The following UNC79 variants were observed in gnomAD, a reference collection of about 807,000 sequenced individuals.
The protein encoded by UNC79 is protein unc-79 homolog.
A neutral mutation model predicts 283.1 loss-of-function variants in UNC79; 37 were observed. That is an observed-to-expected ratio of 0.13 (90% CI 0.10 to 0.17). The LOEUF (loss-of-function observed/expected upper bound fraction) is 0.17, where lower values mean the gene tolerates loss of function less well. Ranked by LOEUF, UNC79 falls within the 10% of genes least tolerant of loss-of-function variation. UNC79 has a pLI of 1.00. For missense variants in UNC79, 2,272 were observed against 3,211.1 expected (o/e 0.71, Z 7.07); for synonymous variants, 1,107 against 1,200.2 (o/e 0.92, Z 1.61).
At chr14:93,645,791 TG>T (rs2069532573) in intron 34 of UNC79, among the ~76,000 whole-genome samples, 1 of 152,106 alleles carries the variant, frequency 6.6e-6, no homozygotes, top group South Asian at 2.1e-4. Flanking sequence ...ATCTATTTTT[TG>T]TAGTGACATT....
At position 93,694,325 on chromosome 14, in the gene UNC79, G is replaced by C; in HGVS notation, c.7471-10G>C. 1 of 1,605,390 alleles carries C rather than the reference G, an allele frequency of 6.2e-7. No homozygotes were observed. ...GGAAATGGAATTAACTTTCATGTTT[G>C]TTGTTTCAGATGGTAGAAATGGTGT... is the stretch of plus-strand genomic sequence containing the variant. On this transcript the variant is annotated splice_polypyrimidine_tract_variant and intron_variant, in intron 46 of 48. Coordinates refer to ENST00000555664, the Ensembl canonical transcript of UNC79.
In UNC79 at chr14:93,635,706, A is replaced by G. The variant is rs369061687; in HGVS notation, c.5717-1510A>G. On this transcript the variant is annotated intron_variant, in intron 31 of 48. Transcript: ENST00000555664. ...AATCTCACATTTAACAGATAGTTTC[A>G]ACTCTCCTGGACTTTATAAGGGTTC... is the stretch of plus-strand genomic sequence containing the variant. Among the ~76,000 whole-genome samples, 3 of 152,326 alleles carry G rather than the reference A, an allele frequency of 2.0e-5. No individual in the cohort carries two copies. The South Asian group carries it at 6.2e-4, about 32-fold the overall frequency.
intron 1 of UNC79, among the ~76,000 whole-genome samples, chr14:93,401,283 A>G (rs561984890): frequency 1.3e-4 from 20 of 152,318 alleles, no homozygotes; most frequent in African/African-American, 4.8e-4. Context: ...TTTGATAAAC[A>G]ACTCACAGTT....
chr14:93,659,346 C>A (rs1378013944), intron 39 of UNC79, 85 bp downstream of exon 42: 3 of 1,090,596 alleles, frequency 2.8e-6, no homozygotes, highest in African/African-American at 3.2e-5. Flanking sequence ...ATACTGAAGA[C>A]ATAGTTATGG....
chr14:93,496,730 A>G (rs774087312), intron 6 of UNC79, among the ~76,000 whole-genome samples: 4 of 152,222 alleles, frequency 2.6e-5, no homozygotes, highest in Non-Finnish European at 5.9e-5. Context: ...ATATGTTATG[A>G]CAAACAATTT....
intron 7 of UNC79, among the ~76,000 whole-genome samples, chr14:93,521,778 T>G (rs756228679): frequency 2.0e-5 from 3 of 148,470 alleles, no homozygotes; most frequent in Non-Finnish European, 4.5e-5. Flanking sequence ...TTGTTATTAT[T>G]TTTGAATGGT....
At chr14:93,482,470 C>T (rs192428581) in intron 4 of UNC79, among the ~76,000 whole-genome samples, 101 of 152,270 alleles carry the variant, frequency 6.6e-4, no homozygotes, top group Admixed American at 1.4e-3. Flanking sequence ...GGATGGACAT[C>T]TTATGCTTAA....
At chr14:93,403,073 C>G (rs1158461299) in intron 1 of UNC79, among the ~76,000 whole-genome samples, 2 of 152,104 alleles carry the variant, frequency 1.3e-5, no homozygotes, top group Non-Finnish European at 2.9e-5. Context: ...AGGTAGGAGA[C>G]AAATGGTTGC....
chr14:93,395,921 G>A (rs565046703), intron 1 of UNC79, among the ~76,000 whole-genome samples: 1 of 152,020 alleles, frequency 6.6e-6, no homozygotes, highest in Admixed American at 6.5e-5. Flanking sequence ...GAAGATTAAT[G>A]TTTTGTCTCC....
chr14:93,594,269 G>GT (rs781247766), intron 23 of UNC79, among the ~76,000 whole-genome samples: 10 of 151,842 alleles, frequency 6.6e-5, no homozygotes, highest in African/African-American at 2.4e-4. Flanking sequence ...AGAAATTGAG[G>GT]TTTTTTGTGT....
Position 93,467,656 on chromosome 14 carries a change from TTTGCTTTTATC to T in UNC79, c.23-13_23-3del. 1 of 1,134,416 alleles carries T rather than the reference TTTGCTTTTATC, an allele frequency of 8.8e-7. No homozygotes were observed. Among genetic ancestry groups the T allele is most frequent in the Non-Finnish European group, 1.1e-6 (1 of 923,278 alleles). 70.3% of individuals were successfully genotyped at this position (1,134,416 alleles called of 1,614,324 possible). Reference sequence around the variant, plus strand: ...TTTTTTTTTTTTTTTTTTTTTTTTTTTTGCTTTTATCTAGTTGCTTCCAAGATCCGGTACTT... The same window carrying T: ...TTTTTTTTTTTTTTTTTTTTTTTTTTTAGTTGCTTCCAAGATCCGGTACTT... On this transcript the variant is annotated splice_region_variant and splice_polypyrimidine_tract_variant and intron_variant, in intron 1 of 48. Coordinates refer to ENST00000555664, the Ensembl canonical transcript of UNC79.
At chr14:93,483,402 G>A (rs936593778) in intron 4 of UNC79, among the ~76,000 whole-genome samples, 5 of 151,990 alleles carry the variant, frequency 3.3e-5, no homozygotes, top group Non-Finnish European at 7.4e-5. Flanking sequence ...CTGAGGAATG[G>A]AATTTTTAAT....
At position 93,586,926 on chromosome 14, in the gene UNC79, TTTGTTTTGA is replaced by T. The variant is rs1342727414; in HGVS notation, c.3032+25_3032+33del. 2 of 1,610,716 alleles carry T rather than the reference TTTGTTTTGA, an allele frequency of 1.2e-6. No individual in the cohort carries two copies. The highest frequency in any genetic ancestry group is 2.2e-5 in the South Asian group (2 of 89,918). On this transcript the variant is annotated intron_variant, in intron 22 of 48. Coordinates refer to ENST00000555664, the Ensembl canonical transcript of UNC79. ...ATTGCAAGGTACGTCTTCCTAATGGTTTGTTTTGATTGTTTATACATTAGGCTTTAGTTG... is the reference window on the plus strand; with the variant it reads ...ATTGCAAGGTACGTCTTCCTAATGGTTTGTTTATACATTAGGCTTTAGTTG...
At chr14:93,481,535 C>T (rs1214819552) in intron 4 of UNC79, among the ~76,000 whole-genome samples, 1 of 152,106 alleles carries the variant, frequency 6.6e-6, no homozygotes, top group Non-Finnish European at 1.5e-5. Context: ...TCTAACGTAT[C>T]CTAGTATCCC....
At chr14:93,409,787 T>G (rs2055299171) in intron 1 of UNC79, among the ~76,000 whole-genome samples, 1 of 152,208 alleles carries the variant, frequency 6.6e-6, no homozygotes, top group Non-Finnish European at 1.5e-5. Flanking sequence ...AAGATATAAA[T>G]TATCTCAAAA....
At chr14:93,504,955 T>C (rs753834792) in intron 7 of UNC79, among the ~76,000 whole-genome samples, 31 of 152,156 alleles carry the variant, frequency 2.0e-4, no homozygotes, top group Non-Finnish European at 3.5e-4. Flanking sequence ...CCATGGGTCA[T>C]TTAGAAGGAG....
At chr14:93,357,086 TACAAG>T (rs1171465418) in intron 1 of UNC79, among the ~76,000 whole-genome samples, 4 of 152,212 alleles carry the variant, frequency 2.6e-5, no homozygotes, top group Non-Finnish European at 4.4e-5. Context: ...CACTCCCACT[TACAAG>T]AGAGAGCATG....
intron 12 of UNC79, among the ~76,000 whole-genome samples, chr14:93,539,650 C>T (rs941222307): frequency 6.6e-6 from 1 of 152,062 alleles, no homozygotes. Flanking sequence ...TTTGTCAAAT[C>T]GAATATTATG....
At chr14:93,468,806 T>C (rs910286029) in intron 2 of UNC79, among the ~76,000 whole-genome samples, 2 of 152,352 alleles carry the variant, frequency 1.3e-5, no homozygotes, top group East Asian at 1.9e-4. Flanking sequence ...TCCTGTTCTA[T>C]ATTGAAGGGC....
Sources: gnomAD v4.1 joint callset for allele counts (sites outside exome capture counted in the v4.1 genomes callset) on GRCh38, gnomAD v4.1.1 for gene constraint, MANE v1.5 for transcripts, NCBI Gene and HGNC (gene_info 2026-07-23, HGNC 2026-07-21) for gene names.